The following REEP3 variants were observed in gnomAD, a reference collection of about 807,000 sequenced individuals.
REEP3 encodes receptor accessory protein 3, also known as receptor expression-enhancing protein 3.
A neutral mutation model predicts 41.3 loss-of-function variants in REEP3; 20 were observed. That is an observed-to-expected ratio of 0.48 (90% CI 0.34 to 0.70). The LOEUF is 0.70. Among genes scored for constraint, REEP3 ranks in the 30% least tolerant of loss-of-function variants. The probability of loss-of-function intolerance (pLI) is 0.01; values close to 1 mark genes in which losing one functional copy is unlikely to be tolerated. For synonymous variants in REEP3, 104 were observed against 101.8 expected, an observed-to-expected ratio of 1.02 and a Z score of -0.13; for missense variants, 271 against 308.8, an observed-to-expected ratio of 0.88 and a Z score of 0.92.
intron 2 of REEP3, among the ~76,000 whole-genome samples, chr10:63,567,970 T>C (rs191274277): frequency 6.6e-6 from 1 of 152,258 alleles, no homozygotes; most frequent in East Asian, 1.9e-4. Context: ...ATAAGTTACA[T>C]AGTTGGGCTC....
Position 63,599,126 on chromosome 10 carries a change from C to T in REEP3, c.304-44C>T, listed in dbSNP as rs377621767. 57 of 947,250 alleles carry T rather than the reference C, an allele frequency of 6.0e-5. No homozygotes were observed. The South Asian group carries it at 7.4e-4, about 12-fold the overall frequency. 58.7% of individuals were successfully genotyped at this position (947,250 alleles called of 1,614,324 possible). On this transcript the variant is annotated intron_variant, in intron 4 of 7. Coordinates refer to ENST00000373758, the MANE Select transcript of REEP3 (RefSeq NM_001001330.3). ...AATGTTCTAGTTTGGGGCTTATTAA[C>T]ACTATTTTTAAGTAAAACTAACATC...
At chr10:63,570,979 G>A (rs1029285335) in intron 2 of REEP3, among the ~76,000 whole-genome samples, 1 of 152,166 alleles carries the variant, frequency 6.6e-6, no homozygotes, top group Non-Finnish European at 1.5e-5. Context: ...GCAGGGCATG[G>A]TGGTGTGTGC....
chr10:63,610,054 G>A, intron 5 of REEP3, 133 bp from the exon 6 acceptor site: 2 of 693,310 alleles, frequency 2.9e-6, no homozygotes, highest in Non-Finnish European at 4.6e-6. Flanking sequence ...ACCGCAAAAT[G>A]TAAACAATAT....
chr10:63,610,632 G>A (rs929745241), intron 6 of REEP3, among the ~76,000 whole-genome samples: 3 of 151,908 alleles, frequency 2.0e-5, no homozygotes, highest in African/African-American at 7.3e-5. Context: ...TTGGGCTTGT[G>A]GATAGTAAAA....
chr10:63,545,501 A>G (rs893014593), intron 1 of REEP3, among the ~76,000 whole-genome samples: 1 of 150,974 alleles, frequency 6.6e-6, no homozygotes, highest in African/African-American at 2.4e-5. Context: ...CCGCCTCCCA[A>G]ATAGCTGGGA....
intron 1 of REEP3, among the ~76,000 whole-genome samples, chr10:63,565,523 G>T (rs1207623130): frequency 6.6e-6 from 1 of 152,178 alleles, no homozygotes; most frequent in Non-Finnish European, 1.5e-5. Context: ...GCATATTATA[G>T]TTAATGTATC....
At chr10:63,550,991 A>G (rs1403224346) in intron 1 of REEP3, among the ~76,000 whole-genome samples, 5 of 152,224 alleles carry the variant, frequency 3.3e-5, no homozygotes, top group Non-Finnish European at 7.3e-5. Context: ...AACAACATAT[A>G]AAACAGACAA....
intron 2 of REEP3, among the ~76,000 whole-genome samples, chr10:63,584,677 G>C (rs1296881625): frequency 6.6e-6 from 1 of 152,080 alleles, no homozygotes; most frequent in Non-Finnish European, 1.5e-5. Context: ...TATTGGATAA[G>C]TTAGTGAATC....
chr10:63,583,530 G>A, intron 2 of REEP3, among the ~76,000 whole-genome samples: 1 of 152,174 alleles, frequency 6.6e-6, no homozygotes, highest in Admixed American at 6.5e-5. Context: ...CTCTTTTGGT[G>A]GCTCGGTTAA....
At chr10:63,559,257 A>G (rs1589866717) in intron 1 of REEP3, among the ~76,000 whole-genome samples, 1 of 152,184 alleles carries the variant, frequency 6.6e-6, no homozygotes, top group Non-Finnish European at 1.5e-5. Context: ...ACTACTAACT[A>G]TGATATTTAT....
intron 2 of REEP3, among the ~76,000 whole-genome samples, chr10:63,578,562 T>G (rs139997575): frequency 5.3e-4 from 81 of 151,928 alleles, no homozygotes; most frequent in African/African-American, 1.9e-3. Context: ...ATCGCTTGAG[T>G]CCAGGAGTTT....
rs1956338119 is a variant in REEP3, at chr10:63,619,687, A to G, written c.598A>G (p.Lys200Glu). The change falls in exon 7 of 8, where the codon AAA becomes GAA. Residue 200 changes from lysine (K) to glutamate (E), a missense_variant. By Grantham distance (56) the Lys-to-Glu change is moderately conservative. Coordinates refer to ENST00000373758, the MANE Select transcript of REEP3 (RefSeq NM_001001330.3). ...YGIPLKDGDE[K>E]TDEEAEGPYS... ...AATTCCACTGAAAGACGGAGATGAG[A>G]AAACAGATGAAGAAGCAGAGGGGCC... The G allele has an allele frequency of 1.9e-6, 3 of 1,604,630 alleles. No individual in the cohort carries two copies. Among genetic ancestry groups the G allele is most frequent in the African/African-American group, 2.7e-5 (2 of 74,804 alleles).
intron 6 of REEP3, among the ~76,000 whole-genome samples, chr10:63,611,961 AAAAG>A (rs977158638): frequency 6.6e-6 from 1 of 151,884 alleles, no homozygotes; most frequent in African/African-American, 2.4e-5. Flanking sequence ...AAGAAAAAGA[AAAAG>A]AAAAAATAAT....
chr10:63,615,690 A>G (rs958215174), intron 6 of REEP3, among the ~76,000 whole-genome samples: 2 of 151,968 alleles, frequency 1.3e-5, no homozygotes, highest in Non-Finnish European at 2.9e-5. Flanking sequence ...GATTACAGGC[A>G]CGTGCCACCA....
intron 2 of REEP3, 117 bp from the exon 3 acceptor site, chr10:63,594,661 A>G: frequency 1.4e-6 from 1 of 700,382 alleles, no homozygotes; most frequent in Non-Finnish European, 2.5e-6. Flanking sequence ...TGTATCCAGA[A>G]ATACATACAT....
intron 1 of REEP3, among the ~76,000 whole-genome samples, chr10:63,557,638 C>G (rs1484699213): frequency 6.6e-6 from 1 of 152,128 alleles, no homozygotes; most frequent in Non-Finnish European, 1.5e-5. Flanking sequence ...CACCTTAGAG[C>G]TGCATTTTGT....
intron 1 of REEP3, chr10:63,562,541 G>A (rs1282823209): frequency 4.4e-6 from 2 of 456,346 alleles, no homozygotes; most frequent in Admixed American, 2.4e-5. Context: ...ACAGGCATGA[G>A]CCACTGCTCC....
At chr10:63,530,054 C>T (rs1955405680) in intron 1 of REEP3, among the ~76,000 whole-genome samples, 1 of 152,276 alleles carries the variant, frequency 6.6e-6, no homozygotes, top group South Asian at 2.1e-4. Context: ...GCTGGGATTA[C>T]TAGCATGAGC....
At chr10:63,543,919 C>T (rs892001954) in intron 1 of REEP3, among the ~76,000 whole-genome samples, 1 of 152,080 alleles carries the variant, frequency 6.6e-6, no homozygotes, top group South Asian at 2.1e-4. Context: ...ATTATTGTTA[C>T]GTTTTTAGAG....
Sources: gnomAD v4.1 joint callset for allele counts (sites outside exome capture counted in the v4.1 genomes callset) on GRCh38, gnomAD v4.1.1 for gene constraint, MANE v1.5 for transcripts, NCBI Gene and HGNC (gene_info 2026-07-23, HGNC 2026-07-21) for gene names.